EMILIN2: variants seen among roughly 807,000 people sequenced by gnomAD.
The protein encoded by EMILIN2 is EMILIN-2.
Under a neutral mutation model 87.1 loss-of-function variants are expected in EMILIN2, and 71 were observed. That is an observed-to-expected ratio of 0.82 (90% CI 0.67 to 0.99). The LOEUF (loss-of-function observed/expected upper bound fraction) is 0.99, where lower values mean the gene tolerates loss of function less well. Among genes scored for constraint, EMILIN2 ranks in the 50% least tolerant of loss-of-function variants. The pLI is 0.00. For synonymous variants in EMILIN2, 581 were observed against 563.4 expected (o/e 1.03, Z -0.44); for missense variants, 1,407 against 1,371.8 (o/e 1.03, Z -0.40).
chr18:2,907,242 C>G (rs901882025), intron 5 of EMILIN2, among the ~76,000 whole-genome samples, 157 bp downstream of exon 5: 13 of 152,204 alleles, frequency 8.5e-5, no homozygotes, highest in Non-Finnish European at 1.9e-4. Flanking sequence ...CCCGAGGGAC[C>G]GCTCATGCTA....
chr18:2,876,806 T>C (rs1353366996), intron 2 of EMILIN2, among the ~76,000 whole-genome samples: 1 of 152,224 alleles, frequency 6.6e-6, no homozygotes, highest in African/African-American at 2.4e-5. Context: ...CATTGTAATC[T>C]GATTTTTATC....
At chr18:2,859,749 A>C (rs2076651285) in intron 2 of EMILIN2, among the ~76,000 whole-genome samples, 1 of 152,178 alleles carries the variant, frequency 6.6e-6, no homozygotes, top group South Asian at 2.1e-4. Flanking sequence ...TTTTTGTGTA[A>C]GGTGAGAGAT....
chr18:2,892,369 C>T lies in EMILIN2; in HGVS notation c.2242C>T (p.Leu748Phe). ...WNCVRQMNGT[L>F]RSHSRDISGL... The stretch of plus-strand genomic sequence containing the variant: ...CTGTGTCAGGCAGATGAACGGAACG[C>T]TCAGGTCGCATTCCAGAGACATTTC... Residue 748 changes from leucine to phenylalanine, a missense_variant, in exon 4 of 8, where the codon CTC becomes TTC. Coordinates refer to ENST00000254528, the MANE Select transcript of EMILIN2 (RefSeq NM_032048.3). 2.5e-6 allele frequency: 4 copies of T among 1,614,144 alleles called. No individual in the cohort carries two copies. Among genetic ancestry groups the T allele is most frequent in the Non-Finnish European group, 2.5e-6 (3 of 1,180,026 alleles).
intron 2 of EMILIN2, among the ~76,000 whole-genome samples, chr18:2,864,265 G>T (rs914687735): frequency 1.5e-3 from 231 of 152,310 alleles, no homozygotes; most frequent in African/African-American, 4.9e-3. Context: ...CTGTCATTAT[G>T]TTGTTAGCTG....
In EMILIN2 at chr18:2,913,588, G is replaced by A. The variant is rs2076953124; in HGVS notation, c.*184G>A. On this transcript the variant is annotated 3_prime_UTR_variant, in exon 8 of 8. Transcript: ENST00000254528. ...CATCCAGCCAGGCTGCAGGGAGTGA[G>A]GCACACGGTGAACATGGCCACTGAC... The A allele has an allele frequency of 1.7e-6, 1 of 572,114 alleles. No individual in the cohort carries two copies. The highest frequency in any genetic ancestry group is 3.0e-6 in the Non-Finnish European group (1 of 328,312). 35.4% of individuals were successfully genotyped at this position (572,114 alleles called of 1,614,324 possible). A position where few individuals can be genotyped will look rare whatever the true frequency, so the allele number is the denominator to read the frequency against.
Position 2,913,330 on chromosome 18 carries a change from G to T in EMILIN2, c.3088G>T (p.Ala1030Ser). ...VNVVVTGGKLAHTDFDEMYST... is the reference protein window; with the variant it reads ...VNVVVTGGKLSHTDFDEMYST... ...CGTCGTGGTGACTGGGGGCAAGCTGGCTCACACAGACTTTGATGAAATGTA... is the reference window on the plus strand; with the variant it reads ...CGTCGTGGTGACTGGGGGCAAGCTGTCTCACACAGACTTTGATGAAATGTA... Residue 1030 changes from alanine to serine, a missense_variant, in exon 8 of 8, where the codon GCT becomes TCT. Transcript: ENST00000254528. The T allele has an allele frequency of 6.2e-7, 1 of 1,612,710 alleles. No homozygotes were observed. Among genetic ancestry groups the T allele is most frequent in the Non-Finnish European group, 8.5e-7 (1 of 1,179,276 alleles).
In EMILIN2 at chr18:2,888,650, GC is replaced by G. The variant is rs1191737515; in HGVS notation, c.434-1910del. On this transcript the variant is annotated intron_variant, in intron 3 of 7. Coordinates refer to ENST00000254528, the MANE Select transcript of EMILIN2 (RefSeq NM_032048.3). ...GAATGGCGTGAACCCAAGAGGCAGA[GC>G]TTGCAGTGAGCCGAGATAGCACCAC... is the stretch of plus-strand genomic sequence containing the variant. Among the ~76,000 whole-genome samples, 3 of 150,056 alleles carry G rather than the reference GC, an allele frequency of 2.0e-5. No homozygotes were observed. The East Asian group carries it at 5.9e-4, about 29-fold the overall frequency.
At chr18:2,898,993 T>C (rs1248046051) in intron 4 of EMILIN2, among the ~76,000 whole-genome samples, 1 of 152,224 alleles carries the variant, frequency 6.6e-6, no homozygotes, top group Non-Finnish European at 1.5e-5. Context: ...GCAGCTGCTC[T>C]ACTGCATCTT....
intron 4 of EMILIN2, among the ~76,000 whole-genome samples, chr18:2,896,811 AT>A (rs573833816): frequency 6.7e-5 from 10 of 149,538 alleles, no homozygotes; most frequent in Non-Finnish European, 1.0e-4. Context: ...CACCTGGACA[AT>A]TTTTTTTTTG....
At chr18:2,901,129 T>C (rs1246578234) in intron 4 of EMILIN2, among the ~76,000 whole-genome samples, 4 of 152,260 alleles carry the variant, frequency 2.6e-5, no homozygotes, top group Non-Finnish European at 5.9e-5. Flanking sequence ...GCCCGTTGCA[T>C]GGACAAGGTT....
At chr18:2,859,282 C>T (rs553470372) in intron 2 of EMILIN2, among the ~76,000 whole-genome samples, 5 of 152,152 alleles carry the variant, frequency 3.3e-5, no homozygotes, top group South Asian at 2.1e-4. Flanking sequence ...AAGGTGGTAT[C>T]GCATTGTGGT....
At chr18:2,856,386 C>T (rs2076627415) in intron 2 of EMILIN2, among the ~76,000 whole-genome samples, 1 of 152,072 alleles carries the variant, frequency 6.6e-6, no homozygotes, top group African/African-American at 2.4e-5. Context: ...TGTCTGTGTG[C>T]CTGGAGTAGG....
At chr18:2,905,154 CT>C (rs1331103107) in intron 4 of EMILIN2, among the ~76,000 whole-genome samples, 2 of 151,976 alleles carry the variant, frequency 1.3e-5, no homozygotes, top group Admixed American at 1.3e-4. Flanking sequence ...ATGGAATTAG[CT>C]CTGTATCATC....
rs71366611 is a variant in EMILIN2 at position 2,850,093 on chromosome 18, A to ATTT, written c.257+2180_257+2182dup. Among the ~76,000 whole-genome samples, 539 of 122,506 alleles carry ATTT rather than the reference A, an allele frequency of 4.4e-3. 6 individuals are homozygous for ATTT. Among genetic ancestry groups the ATTT allele is most frequent in the Middle Eastern group, 0.032 (7 of 220 alleles). The allele number at this position is 122,506 out of a possible 152,430, so 80.4% of individuals were successfully genotyped here. On this transcript the variant is annotated intron_variant, in intron 2 of 7. Coordinates refer to ENST00000254528, the MANE Select transcript of EMILIN2 (RefSeq NM_032048.3). ...AGGTGTGTGCCACCATGCCCAGCTA[A>ATTT]TTTTTTTTTTTTTTTTTTTTGTATT...
rs1404662608 is a variant in EMILIN2, at chr18:2,848,491, CA to C, written c.257+562del. Among the ~76,000 whole-genome samples, 1 of 151,596 alleles carries C rather than the reference CA, an allele frequency of 6.6e-6. No individual in the cohort carries two copies. The highest frequency in any genetic ancestry group is 1.5e-5 in the Non-Finnish European group (1 of 67,982). Reference sequence around the variant, plus strand: ...TGTGGCTCCCCAGCATCCCTCCCCGCAACTTAGATTTGGAGATTCTCTAGAG... The same window carrying C: ...TGTGGCTCCCCAGCATCCCTCCCCGCACTTAGATTTGGAGATTCTCTAGAG... On this transcript the variant is annotated intron_variant, in intron 2 of 7. Transcript: ENST00000254528. The surrounding 1 kb of genome is among the most constrained non-coding windows in gnomAD (Gnocchi z 4.1).
At position 2,907,101 on chromosome 18, in the gene EMILIN2, G is replaced by A; in HGVS notation, c.2662+16G>A. 1.6e-6 allele frequency: 2 copies of A among 1,233,580 alleles called. No individual in the cohort carries two copies. Among genetic ancestry groups the A allele is most frequent in the Non-Finnish European group, 2.0e-6 (2 of 989,054 alleles). The allele number at this position is 1,233,580 out of a possible 1,614,324, so 76.4% of individuals were successfully genotyped here. On this transcript the variant is annotated intron_variant, in intron 5 of 7. Coordinates refer to ENST00000254528, the MANE Select transcript of EMILIN2 (RefSeq NM_032048.3). ...GGCGCACCAGGTGAGGCCCGGGGCT[G>A]CGCGGGGAGGAGCGCGGGGCTCTCC...
intron 3 of EMILIN2, among the ~76,000 whole-genome samples, chr18:2,887,078 CTT>C (rs1366106392): frequency 6.6e-6 from 1 of 152,194 alleles, no homozygotes; most frequent in Non-Finnish European, 1.5e-5. Flanking sequence ...GGGAAGCAAA[CTT>C]TTTACCACTT....
At chr18:2,905,783 G>T (rs12604352) in intron 4 of EMILIN2, among the ~76,000 whole-genome samples, 16,699 of 51,306 alleles carry the variant, frequency 0.33, 1,652 homozygotes, top group East Asian at 0.65. Flanking sequence ...TTGTTTTTTT[G>T]TTTTTTTTTT....
intron 2 of EMILIN2, among the ~76,000 whole-genome samples, chr18:2,870,659 A>G (rs1020028369): frequency 1.3e-5 from 2 of 152,236 alleles, no homozygotes; most frequent in African/African-American, 2.4e-5. Flanking sequence ...GCAAGTGGTG[A>G]CGTCTTATGG....
Sources: allele counts gnomAD v4.1 joint callset (sites outside exome capture counted in the v4.1 genomes callset), GRCh38; gene constraint gnomAD v4.1.1; non-coding constraint Gnocchi (gnomAD v3.1); transcripts MANE v1.5; gene names NCBI Gene and HGNC (gene_info 2026-07-23, HGNC 2026-07-21).